SORT1: variants seen among roughly 807,000 people sequenced by gnomAD.
SORT1 encodes sortilin.
In SORT1, 39 loss-of-function variants were observed where a neutral mutation model predicts 101.7. The ratio of observed to expected loss-of-function variants is 0.38; its 90% CI spans 0.30 to 0.50. The LOEUF (loss-of-function observed/expected upper bound fraction) is 0.50, where lower values mean the gene tolerates loss of function less well. Among genes scored for constraint, SORT1 ranks in the 20% least tolerant of loss-of-function variants. The pLI is 0.90. For synonymous variants in SORT1, 396 were observed against 393.7 expected (o/e 1.01, Z -0.07); for missense variants, 878 against 1,040.4 (o/e 0.84, Z 2.15).
intron 1 of SORT1, among the ~76,000 whole-genome samples, chr1:109,395,747 TC>T (rs1653147989): frequency 6.6e-6 from 1 of 152,054 alleles, no homozygotes; most frequent in East Asian, 1.9e-4. Flanking sequence ...AAATGACACA[TC>T]AATTCAAACT....
chr1:109,314,018 T>C lies in SORT1; in HGVS notation c.*25A>G, dbSNP rs755397633. On this transcript the variant is annotated 3_prime_UTR_variant, in exon 20 of 20. Transcript: ENST00000256637. ...AGAGGTACTGTGGTTCCACCATCCA[T>C]GCTGGGTCCAGCTCCTCTGAAGAGC... 6.2e-7 allele frequency: 1 copy of C among 1,612,794 alleles called. No homozygotes were observed. The highest frequency in any genetic ancestry group is 1.3e-5 in the African/African-American group (1 of 74,880).
chr1:109,319,248 C>A (rs1386384014), intron 15 of SORT1, among the ~76,000 whole-genome samples: 2 of 152,206 alleles, frequency 1.3e-5, no homozygotes, highest in African/African-American at 2.4e-5. Flanking sequence ...CATAGTGCCA[C>A]CCACTGCTCT....
intron 11 of SORT1, among the ~76,000 whole-genome samples, chr1:109,328,379 C>A (rs1156912119): frequency 1.3e-5 from 2 of 152,214 alleles, no homozygotes; most frequent in Non-Finnish European, 2.9e-5. Context: ...GCTCCAATTT[C>A]TCCATATCCT....
chr1:109,314,210 T>G (rs1658892620), intron 19 of SORT1, 51 bp downstream of exon 19: 2 of 1,064,708 alleles, frequency 1.9e-6, no homozygotes, highest in South Asian at 1.2e-5. Flanking sequence ...CTTTATTTTC[T>G]TGTATTTTTT....
chr1:109,337,237 T>C (rs751868481), intron 10 of SORT1, among the ~76,000 whole-genome samples: 5 of 152,174 alleles, frequency 3.3e-5, no homozygotes, highest in Non-Finnish European at 4.4e-5. Flanking sequence ...GAGTTTTCCT[T>C]TATTTTTATT....
chr1:109,378,767 T>C (rs1652038660), intron 1 of SORT1, among the ~76,000 whole-genome samples: 1 of 115,802 alleles, frequency 8.6e-6, no homozygotes, highest in Non-Finnish European at 1.7e-5. Flanking sequence ...TATATAAAGA[T>C]GTTATGTGTT....
rs756377351 is a variant in SORT1 at position 109,327,061 on chromosome 1, T to A, written c.1574A>T (p.Tyr525Phe). The change falls in exon 13 of 20, where the codon TAC becomes TTC. Residue 525 changes from tyrosine to phenylalanine, a missense_variant. Around this residue, in one of 2 missense-constraint regions of SORT1, gnomAD observed 684 missense variants for 894.5 expected, o/e 0.76. Coordinates refer to ENST00000256637, the MANE Select transcript of SORT1 (RefSeq NM_002959.7). ...WTKMLEGPHY[Y>F]TILDSGGIIV... is the part of the protein sequence containing the mutation. Reference sequence around the variant, plus strand: ...GATGCCTCCAGAATCCAGGATGGTGTAATAGTGGGGTCCTTCCAGCATCTT... The same window carrying A: ...GATGCCTCCAGAATCCAGGATGGTGAAATAGTGGGGTCCTTCCAGCATCTT... 2 of 1,612,990 alleles carry A rather than the reference T, an allele frequency of 1.2e-6. No individual in the cohort carries two copies. Among genetic ancestry groups the A allele is most frequent in the South Asian group, 2.2e-5 (2 of 91,000 alleles).
At chr1:109,324,747 C>T in intron 14 of SORT1, 152 bp downstream of exon 14, 1 of 560,536 alleles carries the variant, frequency 1.8e-6, no homozygotes, top group Non-Finnish European at 3.2e-6. Flanking sequence ...GATGCCATTC[C>T]ATTACTTAAT....
intron 5 of SORT1, among the ~76,000 whole-genome samples, chr1:109,351,518 C>T (rs1048140696): frequency 3.3e-5 from 5 of 152,128 alleles, no homozygotes; most frequent in African/African-American, 4.8e-5. Flanking sequence ...TATTAGCAAA[C>T]GCAAGGAGGT....
At chr1:109,372,815 C>A (rs544693136) in intron 1 of SORT1, among the ~76,000 whole-genome samples, 8 of 150,866 alleles carry the variant, frequency 5.3e-5, no homozygotes, top group African/African-American at 1.9e-4. Context: ...AGGAGAATGG[C>A]GTGAACCTGG....
intron 11 of SORT1, among the ~76,000 whole-genome samples, chr1:109,334,916 TAATA>T (rs1343839065): frequency 1.3e-5 from 2 of 152,066 alleles, no homozygotes; most frequent in East Asian, 1.9e-4. Context: ...GCTAAAATGA[TAATA>T]AATATTATAT....
intron 1 of SORT1, among the ~76,000 whole-genome samples, chr1:109,382,856 C>G (rs574421599): frequency 6.6e-6 from 1 of 152,132 alleles, no homozygotes; most frequent in African/African-American, 2.4e-5. Flanking sequence ...TAAGACTCAT[C>G]CAAGCATTTA....
At chr1:109,391,356 T>G (rs1467146672) in intron 1 of SORT1, among the ~76,000 whole-genome samples, 1 of 152,162 alleles carries the variant, frequency 6.6e-6, no homozygotes, top group Non-Finnish European at 1.5e-5. Context: ...GCTTCTAAAT[T>G]TGGAATCAGC....
intron 3 of SORT1, among the ~76,000 whole-genome samples, chr1:109,360,844 A>C (rs1191300174): frequency 6.6e-6 from 1 of 152,116 alleles, no homozygotes; most frequent in African/African-American, 2.4e-5. Flanking sequence ...GAAATTGAGG[A>C]GGCAGCCTTG....
chr1:109,342,245 C>G (rs1649277135), intron 8 of SORT1, 87 bp from the exon 9 acceptor site: 1 of 994,768 alleles, frequency 1.0e-6, no homozygotes, highest in East Asian at 2.5e-5. Flanking sequence ...TAAATAACTA[C>G]TATTATCCAT....
chr1:109,329,746 G>C (rs1648332484), intron 11 of SORT1, among the ~76,000 whole-genome samples: 1 of 152,200 alleles, frequency 6.6e-6, no homozygotes, highest in South Asian at 2.1e-4. Context: ...GAAAGAGGTA[G>C]ACGACAATAC....
At chr1:109,355,578 G>A (rs1367784678) in intron 3 of SORT1, 109 bp from the exon 4 acceptor site, 1 of 596,846 alleles carries the variant, frequency 1.7e-6, no homozygotes, top group Non-Finnish European at 3.1e-6. Flanking sequence ...GAGAGACTCG[G>A]CTCACCCTGA....
At chr1:109,368,067 A>G (rs1570961496) in intron 2 of SORT1, among the ~76,000 whole-genome samples, 1 of 151,794 alleles carries the variant, frequency 6.6e-6, no homozygotes, top group Admixed American at 6.6e-5. Context: ...GCTGAGGCGG[A>G]CGGATCACTT....
chr1:109,337,906 A>G (rs1166347890), intron 10 of SORT1, among the ~76,000 whole-genome samples: 6 of 152,342 alleles, frequency 3.9e-5, no homozygotes, highest in South Asian at 4.1e-4. Context: ...GATTACACGC[A>G]TGAGCCACTA....
Sources: gnomAD v4.1 joint callset for allele counts (sites outside exome capture counted in the v4.1 genomes callset) on GRCh38, gnomAD v4.1.1 for gene constraint, gnomAD v4.1.1 regional missense constraint, MANE v1.5 for transcripts, NCBI Gene and HGNC (gene_info 2026-07-23, HGNC 2026-07-21) for gene names.